The following RCAN1 variants were observed in gnomAD, a reference collection of about 807,000 sequenced individuals.
The protein encoded by RCAN1 is calcipressin-1.
A neutral mutation model predicts 22.9 loss-of-function variants in RCAN1; 11 were observed. That is an observed-to-expected ratio of 0.48 (90% confidence interval 0.30 to 0.79). RCAN1 has a LOEUF of 0.79. Among genes scored for constraint, RCAN1 ranks in the 30% least tolerant of loss-of-function variants. The pLI is 0.06. For synonymous variants in RCAN1, 136 were observed against 142.3 expected (o/e 0.96, Z 0.32); for missense variants, 291 against 337.8 (o/e 0.86, Z 1.09).
At chr21:34,528,513 G>A (rs1450532586) in intron 1 of RCAN1, among the ~76,000 whole-genome samples, 5 of 152,328 alleles carry the variant, frequency 3.3e-5, no homozygotes, top group South Asian at 4.1e-4. Flanking sequence ...ATGATGCTTC[G>A]AGAGGGAATG....
chr21:34,568,097 C>T (rs1397503077), intron 1 of RCAN1, among the ~76,000 whole-genome samples: 1 of 152,156 alleles, frequency 6.6e-6, no homozygotes, highest in African/African-American at 2.4e-5. Context: ...GGACCTCTGC[C>T]CCAGCTTTCA....
chr21:34,575,392 C>T (rs923879626), intron 1 of RCAN1, among the ~76,000 whole-genome samples: 1 of 152,218 alleles, frequency 6.6e-6, no homozygotes, highest in Admixed American at 6.5e-5. Context: ...TAGCGTATGC[C>T]AAGCACTATG....
chr21:34,568,343 C>A (rs1311926521), intron 1 of RCAN1, among the ~76,000 whole-genome samples: 1 of 152,194 alleles, frequency 6.6e-6, no homozygotes, highest in Non-Finnish European at 1.5e-5. Context: ...CAACACAGGA[C>A]CTTGCTATAT....
At chr21:34,528,785 A>C (rs1985216630) in intron 1 of RCAN1, among the ~76,000 whole-genome samples, 2 of 152,202 alleles carry the variant, frequency 1.3e-5, no homozygotes, top group African/African-American at 4.8e-5. Flanking sequence ...AAGAGACAGA[A>C]GAGGCTAATT....
intron 1 of RCAN1, among the ~76,000 whole-genome samples, chr21:34,572,571 A>G (rs1987269995): frequency 6.6e-6 from 1 of 152,222 alleles, no homozygotes; most frequent in South Asian, 2.1e-4. Context: ...ACAACAAAAT[A>G]AAATGAAACT....
At chr21:34,579,191 A>G (rs1987519910) in intron 1 of RCAN1, among the ~76,000 whole-genome samples, 1 of 152,040 alleles carries the variant, frequency 6.6e-6, no homozygotes, top group South Asian at 2.1e-4. Context: ...GCTCAGGAGT[A>G]TGAGACCAAC....
intron 1 of RCAN1, among the ~76,000 whole-genome samples, chr21:34,533,117 C>T (rs369218347): frequency 0.018 from 2,772 of 151,678 alleles, 37 homozygotes; most frequent in Middle Eastern, 0.068. Flanking sequence ...CCCGCCACCA[C>T]GCCCGGCTAA....
chr21:34,601,946 A>C (rs1988368556), intron 1 of RCAN1, among the ~76,000 whole-genome samples: 1 of 152,178 alleles, frequency 6.6e-6, no homozygotes. Context: ...GAAAATTACT[A>C]AGATTAATAA....
chr21:34,565,555 C>T (rs193145468), intron 1 of RCAN1, among the ~76,000 whole-genome samples: 1 of 152,272 alleles, frequency 6.6e-6, no homozygotes, highest in African/African-American at 2.4e-5. Flanking sequence ...AGGAGTACAG[C>T]CATAACTGAG....
intron 1 of RCAN1, among the ~76,000 whole-genome samples, chr21:34,526,295 G>A (rs1007760951): frequency 7.2e-5 from 11 of 152,114 alleles, no homozygotes; most frequent in Admixed American, 2.0e-4. Context: ...TTCCTAAGAC[G>A]AAATGAAATT....
At chr21:34,554,118 C>T (rs1448370592) in intron 1 of RCAN1, among the ~76,000 whole-genome samples, 2 of 152,120 alleles carry the variant, frequency 1.3e-5, no homozygotes, top group Non-Finnish European at 2.9e-5. Flanking sequence ...CTAGAGCTCT[C>T]GGGAGGAGAG....
intron 1 of RCAN1, among the ~76,000 whole-genome samples, chr21:34,607,369 T>C (rs550910297): frequency 6.6e-6 from 1 of 151,948 alleles, no homozygotes; most frequent in African/African-American, 2.4e-5. Flanking sequence ...TTTTTAATAA[T>C]GTCAGGGATC....
chr21:34,560,986 G>T (rs570304505), intron 1 of RCAN1, among the ~76,000 whole-genome samples: 19 of 152,258 alleles, frequency 1.2e-4, no homozygotes, highest in Non-Finnish European at 1.9e-4. Context: ...GAGGTAATTG[G>T]ATCATGGGGG....
At chr21:34,604,233 C>T (rs1361261656) in intron 1 of RCAN1, among the ~76,000 whole-genome samples, 2 of 152,248 alleles carry the variant, frequency 1.3e-5, no homozygotes, top group East Asian at 1.9e-4. Flanking sequence ...CGGGTTCAAG[C>T]GATTCTCCTG....
chr21:34,577,358 G>A (rs1306206740), intron 1 of RCAN1, among the ~76,000 whole-genome samples: 2 of 152,200 alleles, frequency 1.3e-5, no homozygotes, highest in Non-Finnish European at 2.9e-5. Flanking sequence ...AGCACTTTGA[G>A]AGGTGGAGGT....
chr21:34,610,421 C>G (rs866907872), intron 1 of RCAN1, among the ~76,000 whole-genome samples: 24 of 151,898 alleles, frequency 1.6e-4, no homozygotes, highest in African/African-American at 5.6e-4. Flanking sequence ...GCACCAGTGA[C>G]CCCGCCTGTA....
chr21:34,585,008 A>T (rs1347249238), intron 1 of RCAN1, among the ~76,000 whole-genome samples: 1 of 152,252 alleles, frequency 6.6e-6, no homozygotes, highest in East Asian at 1.9e-4. Context: ...CAGTTTCCAC[A>T]AACAGTGTAG....
chr21:34,563,491 G>C (rs1986868545), intron 1 of RCAN1, among the ~76,000 whole-genome samples: 1 of 152,112 alleles, frequency 6.6e-6, no homozygotes, highest in Admixed American at 6.5e-5. Context: ...ACTCAGCAGA[G>C]TGCTGGTTTA....
chr21:34,525,601 G>A, intron 1 of RCAN1: 1 of 419,800 alleles, frequency 2.4e-6, no homozygotes, highest in Non-Finnish European at 4.2e-6. Context: ...TAGAATACAG[G>A]TTCAGGGCTT....
Sources: gnomAD v4.1 joint callset for allele counts (sites outside exome capture counted in the v4.1 genomes callset) on GRCh38, gnomAD v4.1.1 for gene constraint, MANE v1.5 for transcripts, NCBI Gene and HGNC (gene_info 2026-07-23, HGNC 2026-07-21) for gene names.